Variants in MEGF8 observed in about 807,000 individuals in gnomAD.
MEGF8 encodes the protein multiple EGF like domains 8.
A neutral mutation model predicts 302.9 loss-of-function variants in MEGF8; 156 were observed. That is an observed-to-expected ratio of 0.52 (90% CI 0.45 to 0.59). The LOEUF is 0.59. Among genes scored for constraint, MEGF8 ranks in the 20% least tolerant of loss-of-function variants. MEGF8 has a pLI of 0.00. For missense variants in MEGF8, 3,345 were observed against 3,964.5 expected (o/e 0.84, Z 4.20); for synonymous variants, 1,621 against 1,660.5 (o/e 0.98, Z 0.58).
At chr19:42,348,197 C>T (rs2039317396) in intron 12 of MEGF8, 75 bp from the exon 13 acceptor site, 1 of 1,351,280 alleles carries the variant, frequency 7.4e-7, no homozygotes, top group South Asian at 1.4e-5. Flanking sequence ...TTGGGTTGAC[C>T]AGTCTTTTCT....
At chr19:42,361,814 G>A (rs143444357) in intron 32 of MEGF8, among the ~76,000 whole-genome samples, 2 of 152,276 alleles carry the variant, frequency 1.3e-5, no homozygotes, top group East Asian at 1.9e-4. Context: ...CTGCAGGGGT[G>A]GGGAGGAGGG....
chr19:42,372,699 G>A (rs921404145), intron 41 of MEGF8, among the ~76,000 whole-genome samples: 1 of 151,524 alleles, frequency 6.6e-6, no homozygotes, highest in Non-Finnish European at 1.5e-5. Flanking sequence ...TGGACACAGA[G>A]TATTGCTCTG....
In MEGF8 at chr19:42,375,877, G is replaced by C. The variant is rs779190529; in HGVS notation, c.7640G>C (p.Gly2547Ala). The stretch of plus-strand genomic sequence containing the variant: ...GCAGATGGTGGGCCCCGGGGGGCTG[G>C]GGATCCAGGAGGAGCAGGGGCCAGC... ...PPADGGPRGA[G>A]DPGGAGASSG... The change falls in exon 42 of 42, where the codon GGG (glycine) becomes GCG (alanine). Residue 2547 changes from glycine to alanine, a missense_variant. By Grantham distance (60) the Gly-to-Ala change is moderately conservative (BLOSUM62 0). Coordinates refer to ENST00000251268, the MANE Select transcript of MEGF8 (RefSeq NM_001271938.2). This position sits in a 1 kb window ranked among gnomAD's most constrained non-coding sequence, Gnocchi z 7.1. 1 of 1,606,142 alleles carries C rather than the reference G, an allele frequency of 6.2e-7. No individual in the cohort carries two copies. Among genetic ancestry groups the C allele is most frequent in the South Asian group, 1.1e-5 (1 of 90,276 alleles).
chr19:42,353,729 G>A lies in MEGF8; in HGVS notation c.3762-46G>A, dbSNP rs1277571019. 1.9e-6 allele frequency: 3 copies of A among 1,573,362 alleles called. No individual in the cohort carries two copies. In the African/African-American group the frequency reaches 4.0e-5, roughly 21 times the overall value. ...TAGGGTGTGCTTGGGGACACAGTGG[G>A]GAGGGTCAGGACTGGTCTGACACTG... On this transcript the variant is annotated intron_variant, in intron 21 of 41. Transcript: ENST00000251268. This position sits in a 1 kb window ranked among gnomAD's most constrained non-coding sequence, Gnocchi z 6.1.
At chr19:42,350,011 T>C (rs1197725037) in intron 14 of MEGF8, 137 bp from the exon 15 acceptor site, 23 of 709,208 alleles carry the variant, frequency 3.2e-5, no homozygotes, top group Non-Finnish European at 5.2e-5. Context: ...TTGGACCTCT[T>C]TACTGATTTC....
chr19:42,376,870 A>G lies in MEGF8; in HGVS notation c.*95A>G, dbSNP rs1034592622. On this transcript the variant is annotated 3_prime_UTR_variant, in exon 42 of 42. Transcript: ENST00000251268. The surrounding 1 kb of genome is among the most constrained non-coding windows in gnomAD (Gnocchi z 8.2). Reference sequence around the variant, plus strand: ...ACCTGGGGGCCCCTGGACACTGTCTACTTGGAGACCACTGGCCCCCTTCCC... The same window carrying G: ...ACCTGGGGGCCCCTGGACACTGTCTGCTTGGAGACCACTGGCCCCCTTCCC... 1.5e-6 allele frequency: 2 copies of G among 1,328,032 alleles called. No homozygotes were observed. Among genetic ancestry groups the G allele is most frequent in the Non-Finnish European group, 9.8e-7 (1 of 1,023,196 alleles). The allele number at this position is 1,328,032 out of a possible 1,614,324, so 82.3% of individuals were successfully genotyped here. A position where few individuals can be genotyped will look rare whatever the true frequency, so the allele number is the denominator to read the frequency against.
intron 1 of MEGF8, among the ~76,000 whole-genome samples, chr19:42,328,788 T>C (rs2039018676): frequency 2.0e-5 from 3 of 151,750 alleles, no homozygotes; most frequent in Admixed American, 2.0e-4. Flanking sequence ...CTACAAAAAT[T>C]AGCCCTGCGT....
chr19:42,370,446 G>A (rs942623338), intron 39 of MEGF8, 87 bp downstream of exon 39: 9 of 1,214,916 alleles, frequency 7.4e-6, no homozygotes, highest in African/African-American at 6.1e-5. Flanking sequence ...CTGGAGACCT[G>A]GACCCTTGGG....
Position 42,348,442 on chromosome 19 carries a change from G to C in MEGF8, c.2268G>C (p.Arg756=). 6.5e-7 allele frequency: 1 copy of C among 1,530,002 alleles called. No individual in the cohort carries two copies. The highest frequency in any genetic ancestry group is 2.0e-5 in the Admixed American group (1 of 50,640). 94.8% of individuals were successfully genotyped at this position (1,530,002 alleles called of 1,614,324 possible). A position where few individuals can be genotyped will look rare whatever the true frequency, so the allele number is the denominator to read the frequency against. The change falls in exon 13 of 42, where the codon CGG becomes CGC. Residue 756 remains arginine, a synonymous_variant. Transcript: ENST00000251268. ...TRAQRLHVLA[R]MARGPDTENM... ...CCCAGCGCCTACACGTCCTGGCCCGGATGGCCCGTGGCCCTGACACGGAGA... is the reference window on the plus strand; with the variant it reads ...CCCAGCGCCTACACGTCCTGGCCCGCATGGCCCGTGGCCCTGACACGGAGA...
At position 42,370,097 on chromosome 19, in the gene MEGF8, G is replaced by A. The variant is rs377384391; in HGVS notation, c.6835-92G>A. 3.6e-5 allele frequency: 50 copies of A among 1,399,266 alleles called. 1 individual carries two copies. The African/African-American group carries it at 4.4e-4, about 12-fold the overall frequency. The allele number at this position is 1,399,266 out of a possible 1,614,324, so 86.7% of individuals were successfully genotyped here. On this transcript the variant is annotated intron_variant, in intron 38 of 41. Coordinates refer to ENST00000251268, the MANE Select transcript of MEGF8 (RefSeq NM_001271938.2). ...GTACCCGAGCCTCTGCTGCCCTCCCGTGGGCTCTCAGAACCTGCCCCTGTG... is the reference window on the plus strand; with the variant it reads ...GTACCCGAGCCTCTGCTGCCCTCCCATGGGCTCTCAGAACCTGCCCCTGTG...
At chr19:42,341,494 G>T (rs1158378827) in intron 8 of MEGF8, among the ~76,000 whole-genome samples, 1 of 151,586 alleles carries the variant, frequency 6.6e-6, no homozygotes, top group Non-Finnish European at 1.5e-5. Context: ...TAGAGATGAG[G>T]CCTCCCTATG....
In MEGF8 at chr19:42,353,244, C is replaced by T; in HGVS notation, c.3550+117C>T. 1.8e-6 allele frequency: 2 copies of T among 1,092,604 alleles called. No homozygotes were observed. The highest frequency in any genetic ancestry group is 1.3e-6 in the Non-Finnish European group (1 of 777,544). 67.7% of individuals were successfully genotyped at this position (1,092,604 alleles called of 1,614,324 possible). On this transcript the variant is annotated intron_variant, in intron 20 of 41. Transcript: ENST00000251268. The surrounding 1 kb of genome is among the most constrained non-coding windows in gnomAD (Gnocchi z 6.1). Reference sequence around the variant, plus strand: ...TGTCCTCTCATGCAGCTCTAGGTCCCCTGCCCCATTCCTGTTCCTGACTCA... The same window carrying T: ...TGTCCTCTCATGCAGCTCTAGGTCCTCTGCCCCATTCCTGTTCCTGACTCA...
chr19:42,348,599 G>A (rs1040952234), intron 13 of MEGF8, 127 bp downstream of exon 13: 7 of 939,618 alleles, frequency 7.4e-6, no homozygotes, highest in Non-Finnish European at 9.2e-6. Flanking sequence ...GGCAGGAGAT[G>A]GATTTTTTGT....
chr19:42,371,918 G>GA (rs1293694028), intron 41 of MEGF8, among the ~76,000 whole-genome samples: 2 of 151,838 alleles, frequency 1.3e-5, no homozygotes, highest in African/African-American at 2.4e-5. Flanking sequence ...CCCCATCTCT[G>GA]AAAAAAAATT....
At chr19:42,350,605 T>C (rs948414483) in intron 15 of MEGF8, among the ~76,000 whole-genome samples, 2 of 152,128 alleles carry the variant, frequency 1.3e-5, no homozygotes, top group Non-Finnish European at 2.9e-5. Flanking sequence ...AACTCCATCC[T>C]TTTCCACTAG....
chr19:42,365,462 C>T (rs569059531), intron 35 of MEGF8, among the ~76,000 whole-genome samples: 1 of 152,070 alleles, frequency 6.6e-6, no homozygotes, highest in Non-Finnish European at 1.5e-5. Flanking sequence ...TATGAAACCT[C>T]CTAGCTTTAA....
Position 42,358,660 on chromosome 19 carries a change from C to A in MEGF8, c.5176-127C>A. ...GAATGTGTGTGGGAGGGCAGGGAGCCCTGTCTGCACTGGTTAGAGAGGCTG... is the reference window on the plus strand; with the variant it reads ...GAATGTGTGTGGGAGGGCAGGGAGCACTGTCTGCACTGGTTAGAGAGGCTG... On this transcript the variant is annotated intron_variant, in intron 29 of 41. Coordinates refer to ENST00000251268, the MANE Select transcript of MEGF8 (RefSeq NM_001271938.2). The surrounding 1 kb of genome is among the most constrained non-coding windows in gnomAD (Gnocchi z 4.4). The A allele has an allele frequency of 8.8e-7, 1 of 1,142,822 alleles. No individual in the cohort carries two copies. Among genetic ancestry groups the A allele is most frequent in the Non-Finnish European group, 1.2e-6 (1 of 829,118 alleles). 70.8% of individuals were successfully genotyped at this position (1,142,822 alleles called of 1,614,324 possible). A position where few individuals can be genotyped will look rare whatever the true frequency, so the allele number is the denominator to read the frequency against.
At chr19:42,363,706 A>G (rs1460374703) in intron 35 of MEGF8, among the ~76,000 whole-genome samples, 2 of 151,998 alleles carry the variant, frequency 1.3e-5, no homozygotes, top group African/African-American at 2.4e-5. Context: ...TACTTATGGA[A>G]CTTTTGGTTA....
Position 42,356,711 on chromosome 19 carries a change from G to A in MEGF8, c.4623-63G>A, listed in dbSNP as rs2039457650. ...GGGATGCGGGGACATCTGTCAGGCA[G>A]GGTCACCTTGAAGGATGCTGGGATG... On this transcript the variant is annotated intron_variant, in intron 26 of 41. Coordinates refer to ENST00000251268, the MANE Select transcript of MEGF8 (RefSeq NM_001271938.2). The surrounding 1 kb of genome is among the most constrained non-coding windows in gnomAD (Gnocchi z 5.2). 1 of 1,473,648 alleles carries A rather than the reference G, an allele frequency of 6.8e-7. No individual in the cohort carries two copies. The highest frequency in any genetic ancestry group is 1.4e-5 in the African/African-American group (1 of 71,434). The allele number at this position is 1,473,648 out of a possible 1,614,324, so 91.3% of individuals were successfully genotyped here.
Sources: gnomAD v4.1 joint callset for allele counts (sites outside exome capture counted in the v4.1 genomes callset) on GRCh38, gnomAD v4.1.1 for gene constraint, Gnocchi (gnomAD v3.1) non-coding constraint, MANE v1.5 for transcripts, NCBI Gene and HGNC (gene_info 2026-07-23, HGNC 2026-07-21) for gene names.